SDK1: variants seen among roughly 807,000 people sequenced by gnomAD.
SDK1 encodes sidekick cell adhesion molecule 1, also known as protein sidekick-1.
A neutral mutation model predicts 245.5 loss-of-function variants in SDK1; 157 were observed. The observed-to-expected ratio is 0.64, with a 90% confidence interval of 0.56 to 0.73. The LOEUF (loss-of-function observed/expected upper bound fraction) is 0.73, where lower values mean the gene tolerates loss of function less well. Ranked by LOEUF, SDK1 falls within the 30% of genes least tolerant of loss-of-function variation. The pLI is 0.00. For synonymous variants in SDK1, 1,647 were observed against 1,278.5 expected (o/e 1.29, Z -6.15); for missense variants, 3,583 against 3,002.3 (o/e 1.19, Z -4.52).
intron 1 of SDK1, among the ~76,000 whole-genome samples, chr7:3,359,360 C>CT (rs1250506483): frequency 6.6e-6 from 1 of 152,042 alleles, no homozygotes; most frequent in African/African-American, 2.4e-5. Context: ...AATACATTGC[C>CT]TTTTTGTCTA....
intron 17 of SDK1, among the ~76,000 whole-genome samples, chr7:4,025,855 G>A (rs1787301743): frequency 6.6e-6 from 1 of 152,204 alleles, no homozygotes; most frequent in Admixed American, 6.5e-5. Context: ...CCTGTCACAT[G>A]TGAGTTAGGC....
In SDK1 at chr7:3,940,805, A is replaced by AAAT. The variant is rs533451652; in HGVS notation, c.848-10104_848-10102dup. On this transcript the variant is annotated intron_variant, in intron 5 of 44. Transcript: ENST00000404826. ...CGCTGCACTCCAGCCTGGGTGACAAAAATAATAATAATAATAGTAAATTAA... is the reference window on the plus strand; with the variant it reads ...CGCTGCACTCCAGCCTGGGTGACAAAAATAATAATAATAATAATAGTAAATTAA... 2.5e-4 allele frequency among the ~76,000 whole-genome samples: 38 copies of AAAT among 152,000 alleles called. 1 individual carries two copies. The highest frequency in any genetic ancestry group is 7.5e-4 in the African/African-American group (31 of 41,436).
chr7:4,088,041 T>A (rs1035472702), intron 22 of SDK1, among the ~76,000 whole-genome samples: 1 of 152,240 alleles, frequency 6.6e-6, no homozygotes, highest in Non-Finnish European at 1.5e-5. Context: ...GGCTCTCTGG[T>A]GGCTGTTATA....
At chr7:4,011,452 G>T (rs1190943836) in intron 15 of SDK1, among the ~76,000 whole-genome samples, 2 of 152,190 alleles carry the variant, frequency 1.3e-5, no homozygotes. Context: ...CCCCACTGCC[G>T]GGTGGACGCT....
intron 1 of SDK1, among the ~76,000 whole-genome samples, chr7:3,425,682 A>C (rs1376832892): frequency 6.6e-6 from 1 of 152,194 alleles, no homozygotes; most frequent in Non-Finnish European, 1.5e-5. Context: ...TTTAATTTTA[A>C]AGATTCTTAT....
chr7:3,911,039 G>A (rs555095864), intron 5 of SDK1, among the ~76,000 whole-genome samples: 2 of 152,172 alleles, frequency 1.3e-5, no homozygotes, highest in Admixed American at 1.3e-4. Context: ...TTTCCAAGAG[G>A]GTGGCCTTGC....
At position 4,174,309 on chromosome 7, in the gene SDK1, G is replaced by C; in HGVS notation, c.4888G>C (p.Glu1630Gln). ...GGAGTATGAAGCCGGGTCAGGCACT[G>C]AGGCCAAGACGCTCAAAAACCCTAT... is the stretch of plus-strand genomic sequence containing the variant. Reference protein sequence around the residue: ...ELEYEAGSGTEAKTLKNPIAL... With the variant: ...ELEYEAGSGTQAKTLKNPIAL... The change falls in exon 33 of 45, where the codon GAG becomes CAG. Residue 1630 changes from glutamate (E) to glutamine (Q), a missense_variant. Transcript: ENST00000404826. The C allele has an allele frequency of 6.2e-7, 1 of 1,613,912 alleles. No individual in the cohort carries two copies. The highest frequency in any genetic ancestry group is 8.5e-7 in the Non-Finnish European group (1 of 1,179,794).
chr7:3,411,780 A>T (rs1043707713), intron 1 of SDK1, among the ~76,000 whole-genome samples: 2 of 152,110 alleles, frequency 1.3e-5, no homozygotes, highest in African/African-American at 4.8e-5. Flanking sequence ...ACCACTTAAG[A>T]GCAATAGACT....
In SDK1 at chr7:3,552,905, T is replaced by C. The variant is rs142379669; in HGVS notation, c.299-66175T>C. 5.1e-3 allele frequency among the ~76,000 whole-genome samples: 773 copies of C among 152,338 alleles called. 4 individuals are homozygous for C. Among genetic ancestry groups the C allele is most frequent in the South Asian group, 0.018 (87 of 4,826 alleles). ...TTATGCTTTCCAGTTTATCTGAAGA[T>C]TGTGCAGAAGATATTTAAATCAGTG... On this transcript the variant is annotated intron_variant, in intron 1 of 44. Transcript: ENST00000404826.
chr7:3,508,807 T>G (rs1168066104), intron 1 of SDK1, among the ~76,000 whole-genome samples: 1 of 152,186 alleles, frequency 6.6e-6, no homozygotes, highest in Non-Finnish European at 1.5e-5. Flanking sequence ...GGCGTGAAAT[T>G]CTTTGAAGGC....
intron 4 of SDK1, among the ~76,000 whole-genome samples, chr7:3,807,251 C>T (rs1202628532): frequency 1.3e-5 from 2 of 152,134 alleles, no homozygotes; most frequent in East Asian, 1.9e-4. Flanking sequence ...AGAAGGTAAC[C>T]TCCAGAACAG....
chr7:4,106,461 GC>G (rs1002463775), intron 22 of SDK1, among the ~76,000 whole-genome samples: 4 of 151,824 alleles, frequency 2.6e-5, no homozygotes, highest in Admixed American at 2.6e-4. Flanking sequence ...CCACCACCAC[GC>G]CTTTTTTGTA....
intron 24 of SDK1, among the ~76,000 whole-genome samples, 168 bp from the exon 25 acceptor site, chr7:4,113,869 C>T (rs1783515145): frequency 6.6e-6 from 1 of 152,196 alleles, no homozygotes; most frequent in South Asian, 2.1e-4. Context: ...TCATTTAATT[C>T]ACAGAACAAA....
chr7:4,150,233 G>A (rs761720479), intron 30 of SDK1, among the ~76,000 whole-genome samples: 27 of 152,240 alleles, frequency 1.8e-4, no homozygotes, highest in Non-Finnish European at 3.1e-4. Flanking sequence ...TGGTTCGCAG[G>A]CCCTGCCTGG....
rs1248313736 is a variant in SDK1, at chr7:3,526,587, CCAT to C, written c.299-92490_299-92488del. The stretch of plus-strand genomic sequence containing the variant: ...TTCTATTTTTAGTTATGTTTTTTCT[CCAT>C]CACTTTGCTTGGGAACGCTGGATGA... On this transcript the variant is annotated intron_variant, in intron 1 of 44. Coordinates refer to ENST00000404826, the MANE Select transcript of SDK1 (RefSeq NM_152744.4). Among the ~76,000 whole-genome samples, 3 of 152,164 alleles carry C rather than the reference CCAT, an allele frequency of 2.0e-5. No individual in the cohort carries two copies. In the East Asian group the frequency reaches 5.8e-4, roughly 29 times the overall value.
chr7:4,169,184 C>T (rs1469284015), intron 32 of SDK1, among the ~76,000 whole-genome samples: 6 of 152,196 alleles, frequency 3.9e-5, no homozygotes, highest in Admixed American at 6.5e-5. Flanking sequence ...TGGTTGTTAC[C>T]GGGAGTAGCA....
chr7:3,959,763 G>T (rs114356823), intron 8 of SDK1, among the ~76,000 whole-genome samples: 1 of 151,930 alleles, frequency 6.6e-6, no homozygotes, highest in Non-Finnish European at 1.5e-5. Context: ...CTTTTTTGTG[G>T]CCGAATAGTA....
chr7:3,843,921 T>G (rs1394537269), intron 5 of SDK1, among the ~76,000 whole-genome samples: 1 of 152,234 alleles, frequency 6.6e-6, no homozygotes, highest in Non-Finnish European at 1.5e-5. Flanking sequence ...AAACATTTTC[T>G]TAGCCCAATA....
chr7:4,205,035 A>G (rs1393555783), intron 35 of SDK1, among the ~76,000 whole-genome samples: 1 of 152,114 alleles, frequency 6.6e-6, no homozygotes, highest in Admixed American at 6.5e-5. Flanking sequence ...CAACATCCTC[A>G]TGTGTCCTTT....
Sources: allele counts gnomAD v4.1 joint callset (sites outside exome capture counted in the v4.1 genomes callset), GRCh38; gene constraint gnomAD v4.1.1; transcripts MANE v1.5; gene names NCBI Gene and HGNC (gene_info 2026-07-23, HGNC 2026-07-21).